GJA8: variants seen among roughly 807,000 people sequenced by gnomAD.
The protein encoded by GJA8 is gap junction protein alpha 8, also known as gap junction alpha-8 protein.
GJA8 carries 13 observed loss-of-function variants against 15.3 expected under a neutral mutation model. The ratio of observed to expected loss-of-function variants is 0.85; its 90% confidence interval spans 0.55 to 1.35. GJA8 has a LOEUF of 1.35. GJA8 is among the 40% of genes most tolerant of loss of function. GJA8 has a pLI of 0.00. For missense variants in GJA8, 607 were observed against 553.3 expected (o/e 1.10, Z -0.97); for synonymous variants, 304 against 238.7 (o/e 1.27, Z -2.52).
At chr1:147,903,617 G>A (rs1651687291) in intron 1 of GJA8, among the ~76,000 whole-genome samples, 4 of 152,146 alleles carry the variant, frequency 2.6e-5, no homozygotes, top group Admixed American at 2.0e-4. Flanking sequence ...CCCCCATCTT[G>A]GAGACTCATT....
In GJA8 at chr1:147,908,194, T is replaced by C; in HGVS notation, c.239T>C (p.Leu80Pro). The change falls in exon 2 of 2, where the codon CTG becomes CCG. Residue 80 changes from leucine to proline, a missense_variant. Transcript: ENST00000369235. ...FPISHIRLWV[L>P]QIIFVSTPSL... ...ATCTCCCACATTCGCCTCTGGGTGC[T>C]GCAGATCATCTTCGTCTCCACCCCG... 6.2e-7 allele frequency: 1 copy of C among 1,614,228 alleles called. No homozygotes were observed. Among genetic ancestry groups the C allele is most frequent in the Non-Finnish European group, 8.5e-7 (1 of 1,180,026 alleles).
downstream of GJA8, among the ~76,000 whole-genome samples, chr1:147,910,802 A>G (rs916052926): frequency 6.6e-6 from 1 of 152,166 alleles, no homozygotes; most frequent in African/African-American, 2.4e-5. Context: ...GCCTCTCACA[A>G]AGTGGGTGCT....
Position 147,908,673 on chromosome 1 carries a change from G to A in GJA8, c.718G>A (p.Val240Ile), listed in dbSNP as rs1553242801. 3.1e-6 allele frequency: 5 copies of A among 1,613,988 alleles called. No homozygotes were observed. The highest frequency in any genetic ancestry group is 2.2e-5 in the East Asian group (1 of 44,888). Residue 240 changes from valine (V) to isoleucine (I), a missense_variant, in exon 2 of 2, where the codon GTA becomes ATA. Coordinates refer to ENST00000369235, the MANE Select transcript of GJA8 (RefSeq NM_005267.5). ...GATCCGGTCTGCCTTGAAGAGGCCTGTAGAGCAGCCCCTGGGGGAGATTCC... is the reference window on the plus strand; with the variant it reads ...GATCCGGTCTGCCTTGAAGAGGCCTATAGAGCAGCCCCTGGGGGAGATTCC... The part of the protein sequence containing the change: ...KGIRSALKRP[V>I]EQPLGEIPEK...
At position 147,908,264 on chromosome 1, in the gene GJA8, G is replaced by A. The variant is rs1553242611; in HGVS notation, c.309G>A (p.Glu103=). The A allele has an allele frequency of 1.2e-6, 2 of 1,614,222 alleles. No individual in the cohort carries two copies. Among genetic ancestry groups the A allele is most frequent in the South Asian group, 1.1e-5 (1 of 91,080 alleles). Residue 103 remains glutamate (E), a synonymous_variant, in exon 2 of 2, where the codon GAG becomes GAA. Transcript: ENST00000369235. ...ACGCGGTGCACTACGTCCGCATGGA[G>A]GAGAAGCGCAAAAGCCGCGAGGCGG... The part of the protein sequence containing the change: ...VGHAVHYVRM[E]EKRKSREAEE...
chr1:147,905,355 A>G (rs1310477240), intron 1 of GJA8, among the ~76,000 whole-genome samples: 4 of 152,216 alleles, frequency 2.6e-5, no homozygotes, highest in Non-Finnish European at 5.9e-5. Flanking sequence ...TAAAGGGGGG[A>G]AAACAAGATT....
At position 147,909,215 on chromosome 1, in the gene GJA8, C is replaced by G. The variant is rs1553243060; in HGVS notation, c.1260C>G (p.Ser420Arg). 6.8e-7 allele frequency: 1 copy of G among 1,470,372 alleles called. No individual in the cohort carries two copies. The highest frequency in any genetic ancestry group is 2.9e-5 in the East Asian group (1 of 34,866). The allele number at this position is 1,470,372 out of a possible 1,614,324, so 91.1% of individuals were successfully genotyped here. A position where few individuals can be genotyped will look rare whatever the true frequency, so the allele number is the denominator to read the frequency against. ...TDDARPLSRL[S>R]KASSRARSDD... ...ATGCCAGACCCCTGAGCAGGCTAAG[C>G]AAAGCCAGCAGCCGAGCCAGGTCAG... The change falls in exon 2 of 2, where the codon AGC (serine) becomes AGG (arginine). Residue 420 changes from serine to arginine, a missense_variant. Transcript: ENST00000369235.
chr1:147,905,958 G>C (rs1160875005), intron 1 of GJA8, among the ~76,000 whole-genome samples: 1 of 152,204 alleles, frequency 6.6e-6, no homozygotes, highest in South Asian at 2.1e-4. Flanking sequence ...GGCCTCAAGA[G>C]GAGGAGCACT....
rs1227876578 is a variant in GJA8 at position 147,908,869 on chromosome 1, G to C, written c.914G>C (p.Ser305Thr). 3 of 1,614,058 alleles carry C rather than the reference G, an allele frequency of 1.9e-6. No homozygotes were observed. Among genetic ancestry groups the C allele is most frequent in the Non-Finnish European group, 2.5e-6 (3 of 1,180,046 alleles). Residue 305 changes from serine to threonine, a missense_variant, in exon 2 of 2, where the codon AGC (serine) becomes ACC (threonine). Ser to Thr is a moderately conservative substitution (Grantham distance 58). Transcript: ENST00000369235. Reference sequence around the variant, plus strand: ...TTCAATCAGTTCGAGGAGAAGATCAGCACAGGACCCCTGGGGGACTTGTCC... The same window carrying C: ...TTCAATCAGTTCGAGGAGAAGATCACCACAGGACCCCTGGGGGACTTGTCC... ...KPFNQFEEKI[S>T]TGPLGDLSRG...
intron 1 of GJA8, among the ~76,000 whole-genome samples, chr1:147,903,980 G>A (rs1197765013): frequency 1.4e-5 from 2 of 139,020 alleles, no homozygotes; most frequent in Admixed American, 1.6e-4. Context: ...TGCCCAGGCT[G>A]GAGTGCAGTG....
chr1:147,908,605 T>C lies in GJA8; in HGVS notation c.650T>C (p.Leu217Pro). ...LFMLSVASVS[L>P]FLNVMELGHL... ...ATGTTGTCTGTGGCCTCTGTGTCCCTATTCCTCAACGTGATGGAGTTGGGC... is the reference window on the plus strand; with the variant it reads ...ATGTTGTCTGTGGCCTCTGTGTCCCCATTCCTCAACGTGATGGAGTTGGGC... Residue 217 changes from leucine (L) to proline (P), a missense_variant, in exon 2 of 2, where the codon CTA becomes CCA. Physicochemically the swap from Leu to Pro is moderately conservative, Grantham distance 98. Coordinates refer to ENST00000369235, the MANE Select transcript of GJA8 (RefSeq NM_005267.5). The C allele has an allele frequency of 6.2e-7, 1 of 1,614,136 alleles. No individual in the cohort carries two copies. Among genetic ancestry groups the C allele is most frequent in the Non-Finnish European group, 8.5e-7 (1 of 1,180,028 alleles).
At chr1:147,909,673 T>C (rs1281884818), downstream of GJA8, among the ~76,000 whole-genome samples, 1 of 152,132 alleles carries the variant, frequency 6.6e-6, no homozygotes, top group Non-Finnish European at 1.5e-5. Context: ...CATGTGACCA[T>C]ATTTCAGGGA....
chr1:147,910,521 A>G (rs906840079), downstream of GJA8, among the ~76,000 whole-genome samples: 1 of 152,214 alleles, frequency 6.6e-6, no homozygotes, highest in East Asian at 1.9e-4. Context: ...CCTGGGTACC[A>G]TCAGAGAAAG....
rs1651866145 is a variant in GJA8, at chr1:147,907,964, C to T, written c.9C>T (p.Asp3=). The T allele has an allele frequency of 6.2e-7, 1 of 1,613,514 alleles. No individual in the cohort carries two copies. The highest frequency in any genetic ancestry group is 1.3e-5 in the African/African-American group (1 of 74,920). Residue 3 remains aspartate (D), a synonymous_variant, in exon 2 of 2, where the codon GAC becomes GAT. Transcript: ENST00000369235. MG[D]WSFLGNILEE... The stretch of plus-strand genomic sequence containing the variant: ...CTTCAGGTGGGTGAGAAATGGGCGA[C>T]TGGAGTTTCCTGGGGAACATCTTGG...
rs1651884019 is a variant in GJA8, at chr1:147,908,187, T to C, written c.232T>C (p.Trp78Arg). 1 of 1,614,134 alleles carries C rather than the reference T, an allele frequency of 6.2e-7. No individual in the cohort carries two copies. The highest frequency in any genetic ancestry group is 1.3e-5 in the African/African-American group (1 of 74,954). Reference sequence around the variant, plus strand: ...CTTTCCCATCTCCCACATTCGCCTCTGGGTGCTGCAGATCATCTTCGTCTC... The same window carrying C: ...CTTTCCCATCTCCCACATTCGCCTCCGGGTGCTGCAGATCATCTTCGTCTC... ...EAFPISHIRL[W>R]VLQIIFVSTP... is the part of the protein sequence containing the mutation. The change falls in exon 2 of 2, where the codon TGG becomes CGG. Residue 78 changes from tryptophan to arginine, a missense_variant. By Grantham distance (101) the Trp-to-Arg change is moderately radical. Coordinates refer to ENST00000369235, the MANE Select transcript of GJA8 (RefSeq NM_005267.5).
chr1:147,914,476 T>A, the GJA8 span, among the ~76,000 whole-genome samples: 6 of 152,180 alleles, frequency 3.9e-5, no homozygotes, highest in African/African-American at 1.4e-4. Context: ...TAAAATTAAC[T>A]TGACTTTTCA....
chr1:147,913,138 T>G (rs587639530), downstream of GJA8, among the ~76,000 whole-genome samples: 1 of 152,246 alleles, frequency 6.6e-6, no homozygotes, highest in East Asian at 1.9e-4. Context: ...ATTTTCTCTA[T>G]GTTAGTTGAG....
At chr1:147,913,619 T>C (rs1333922080), downstream of GJA8, among the ~76,000 whole-genome samples, 2 of 152,154 alleles carry the variant, frequency 1.3e-5, no homozygotes, top group African/African-American at 2.4e-5. Context: ...TAGGACAAGA[T>C]TGGTACAAAC....
chr1:147,904,880 C>T (rs781788775), intron 1 of GJA8, among the ~76,000 whole-genome samples: 15 of 152,066 alleles, frequency 9.9e-5, no homozygotes, highest in African/African-American at 9.7e-5. Flanking sequence ...CTTAGCATGG[C>T]GGCTTAGAGT....
chr1:147,912,390 T>C (rs1553243578), downstream of GJA8, among the ~76,000 whole-genome samples: 1 of 152,206 alleles, frequency 6.6e-6, no homozygotes, highest in African/African-American at 2.4e-5. Context: ...TAACCCCATA[T>C]GTTTAGTAGG....
Sources: gnomAD v4.1 joint callset for allele counts (sites outside exome capture counted in the v4.1 genomes callset) on GRCh38, gnomAD v4.1.1 for gene constraint, MANE v1.5 for transcripts, NCBI Gene and HGNC (gene_info 2026-07-23, HGNC 2026-07-21) for gene names.